The following PDE1A variants were observed in gnomAD, a reference collection of about 807,000 sequenced individuals.
PDE1A encodes phosphodiesterase 1A, also known as dual specificity calcium/calmodulin-dependent 3',5'-cyclic nucleotide phosphodiesterase 1A.
In PDE1A, 35 loss-of-function variants were observed where a neutral mutation model predicts 61.7. That is an observed-to-expected ratio of 0.57 (90% CI 0.43 to 0.75). The LOEUF (loss-of-function observed/expected upper bound fraction) is 0.75, where lower values mean the gene tolerates loss of function less well. Ranked by LOEUF, PDE1A falls within the 30% of genes least tolerant of loss-of-function variation. The pLI, the probability that PDE1A is intolerant of heterozygous loss-of-function variation, is 0.00. For missense variants in PDE1A, 597 were observed against 630.6 expected, an observed-to-expected ratio of 0.95 and a Z score of 0.57; for synonymous variants, 232 against 213.2, an observed-to-expected ratio of 1.09 and a Z score of -0.77.
At chr2:182,294,135 G>T (rs1011257584) in intron 1 of PDE1A, among the ~76,000 whole-genome samples, 2 of 152,156 alleles carry the variant, frequency 1.3e-5, no homozygotes, top group African/African-American at 4.8e-5. Flanking sequence ...TAAAAACTAC[G>T]AATTGTTTAT....
chr2:182,681,591 A>C, the PDE1A span, among the ~76,000 whole-genome samples: 2 of 143,912 alleles, frequency 1.4e-5, no homozygotes, highest in Non-Finnish European at 3.0e-5. Context: ...AAAAAAAAAA[A>C]CAGTTATTCA....
intron 2 of PDE1A, among the ~76,000 whole-genome samples, chr2:182,503,081 ACACACAG>A (rs1689192483): frequency 8.8e-6 from 1 of 113,096 alleles, no homozygotes; most frequent in African/African-American, 2.9e-5. Context: ...ACATACACAC[ACACACAG>A]CATTGTGCCT....
At chr2:182,403,112 T>A (rs1702097073) in intron 1 of PDE1A, among the ~76,000 whole-genome samples, 1 of 150,022 alleles carries the variant, frequency 6.7e-6, no homozygotes, top group South Asian at 2.1e-4. Context: ...GAAGACAGTG[T>A]GATGATTCCT....
chr2:182,359,213 T>C (rs1002192743), intron 1 of PDE1A, among the ~76,000 whole-genome samples: 1 of 152,148 alleles, frequency 6.6e-6, no homozygotes, highest in Non-Finnish European at 1.5e-5. Context: ...CAGTTCTGCT[T>C]CCTTAGTTTG....
At chr2:182,310,861 G>GACC (rs1412375049) in intron 1 of PDE1A, among the ~76,000 whole-genome samples, 1 of 152,132 alleles carries the variant, frequency 6.6e-6, no homozygotes, top group Non-Finnish European at 1.5e-5. Flanking sequence ...AAGGCCATGT[G>GACC]ACCATGTTCT....
At chr2:182,499,173 G>GTTTTTTTTTTT (rs545033513) in intron 2 of PDE1A, among the ~76,000 whole-genome samples, 2 of 77,308 alleles carry the variant, frequency 2.6e-5, no homozygotes, top group East Asian at 4.7e-4. Context: ...TCTTTTTCTT[G>GTTTTTTTTTTT]TTTTTTTTTT....
chr2:182,332,477 C>T (rs1697481039), intron 1 of PDE1A, among the ~76,000 whole-genome samples: 1 of 152,152 alleles, frequency 6.6e-6, no homozygotes, highest in South Asian at 2.1e-4. Context: ...GGTTTTTCCT[C>T]ATCTTCATGG....
At chr2:182,156,758 C>T (rs1691103764) in intron 13 of PDE1A, among the ~76,000 whole-genome samples, 1 of 152,068 alleles carries the variant, frequency 6.6e-6, no homozygotes. Context: ...AATCCAGCAG[C>T]AAGGCCTGCA....
At chr2:182,477,954 G>T (rs891009737) in intron 2 of PDE1A, among the ~76,000 whole-genome samples, 4 of 151,712 alleles carry the variant, frequency 2.6e-5, no homozygotes, top group Non-Finnish European at 5.9e-5. Flanking sequence ...AGAAAAGGTG[G>T]GATTTTATTG....
At chr2:182,354,332 C>T (rs1030720786) in intron 1 of PDE1A, among the ~76,000 whole-genome samples, 3 of 152,214 alleles carry the variant, frequency 2.0e-5, no homozygotes, top group Non-Finnish European at 2.9e-5. Flanking sequence ...TCTACCCATC[C>T]GAAATATTTG....
At chr2:182,154,637 G>T (rs562537861) in intron 13 of PDE1A, among the ~76,000 whole-genome samples, 1 of 152,290 alleles carries the variant, frequency 6.6e-6, no homozygotes, top group South Asian at 2.1e-4. Flanking sequence ...CTGCCGCCAT[G>T]TAAGCCACAC....
chr2:182,422,269 T>C (rs1703329094), intron 1 of PDE1A, among the ~76,000 whole-genome samples: 1 of 152,240 alleles, frequency 6.6e-6, no homozygotes, highest in Non-Finnish European at 1.5e-5. Flanking sequence ...TTCAAAAAGT[T>C]GTCAGTTCCA....
intron 7 of PDE1A, among the ~76,000 whole-genome samples, chr2:182,208,678 G>C (rs1175645327): frequency 6.6e-6 from 1 of 152,212 alleles, no homozygotes; most frequent in African/African-American, 2.4e-5. Context: ...AACAGAGGTG[G>C]AGTGCCCAAG....
chr2:182,453,814 C>T (rs1176913645), intron 2 of PDE1A, among the ~76,000 whole-genome samples: 2 of 152,108 alleles, frequency 1.3e-5, no homozygotes, highest in Non-Finnish European at 2.9e-5. Context: ...CAATATCATA[C>T]TGAATGGGCA....
chr2:182,663,724 C>G, the PDE1A span, among the ~76,000 whole-genome samples: 1 of 151,806 alleles, frequency 6.6e-6, no homozygotes, highest in South Asian at 2.1e-4. Flanking sequence ...CTAATGAGTA[C>G]CAGGCTTAGT....
At chr2:182,170,792 A>C (rs981364572) in intron 13 of PDE1A, among the ~76,000 whole-genome samples, 1 of 152,054 alleles carries the variant, frequency 6.6e-6, no homozygotes, top group Non-Finnish European at 1.5e-5. Context: ...TAGAATATGA[A>C]TCTACATTTG....
At chr2:182,642,212 G>T in the PDE1A span, among the ~76,000 whole-genome samples, 1 of 152,094 alleles carries the variant, frequency 6.6e-6, no homozygotes, top group Admixed American at 6.6e-5. Flanking sequence ...AATATTTGGG[G>T]CTCAACGCTT....
intron 1 of PDE1A, among the ~76,000 whole-genome samples, chr2:182,344,872 C>T (rs1698426102): frequency 1.3e-5 from 2 of 152,192 alleles, no homozygotes; most frequent in South Asian, 4.1e-4. Flanking sequence ...ACTTCCCTGA[C>T]AGAAGCCCCT....
At chr2:182,442,151 G>C (rs1684837827) in intron 2 of PDE1A, among the ~76,000 whole-genome samples, 1 of 151,866 alleles carries the variant, frequency 6.6e-6, no homozygotes, top group Non-Finnish European at 1.5e-5. Context: ...GGACAAACTA[G>C]GATTAATTAT....
Sources: allele counts gnomAD v4.1 joint callset (sites outside exome capture counted in the v4.1 genomes callset), GRCh38; gene constraint gnomAD v4.1.1; transcripts MANE v1.5; gene names NCBI Gene and HGNC (gene_info 2026-07-23, HGNC 2026-07-21).